Variants in CYFIP1 observed in about 807,000 individuals in gnomAD.
CYFIP1 encodes cytoplasmic FMR1 interacting protein 1.
Under a neutral mutation model 163.5 loss-of-function variants are expected in CYFIP1, and 58 were observed. The ratio of observed to expected loss-of-function variants is 0.35; its 90% CI spans 0.29 to 0.44. The LOEUF is 0.44. CYFIP1 is among the 20% of genes least tolerant of loss of function. The pLI is 1.00. For missense variants in CYFIP1, 1,338 were observed against 1,653.8 expected (o/e 0.81, Z 3.31); for synonymous variants, 663 against 660.7 (o/e 1.00, Z -0.05).
chr15:22,870,499 A>T (rs1284077696), intron 30 of CYFIP1, among the ~76,000 whole-genome samples: 1 of 152,070 alleles, frequency 6.6e-6, no homozygotes, highest in Non-Finnish European at 1.5e-5. Flanking sequence ...TTTTGTAAAG[A>T]CAAGGTCTTA....
chr15:22,943,389 G>A (rs762886007), intron 5 of CYFIP1, 35 bp from the exon 6 acceptor site: 210 of 1,601,814 alleles, frequency 1.3e-4, no homozygotes, highest in Non-Finnish European at 1.7e-4. Flanking sequence ...GAAAGCTGCA[G>A]GTCAGTGAGG....
chr15:22,951,043 AG>A (rs1362087542), intron 1 of CYFIP1, among the ~76,000 whole-genome samples: 1 of 152,216 alleles, frequency 6.6e-6, no homozygotes, highest in African/African-American at 2.4e-5. Flanking sequence ...TAGACTACGC[AG>A]GGTTCAGTAC....
chr15:22,980,740 AG>A (rs370087044), upstream of CYFIP1, among the ~76,000 whole-genome samples: 2 of 152,012 alleles, frequency 1.3e-5, no homozygotes, highest in East Asian at 3.9e-4. Flanking sequence ...GAAGGAGCTC[AG>A]GGGGACACCC....
chr15:22,944,839 G>A, intron 4 of CYFIP1, 23 bp downstream of exon 4: 2 of 1,610,284 alleles, frequency 1.2e-6, no homozygotes, highest in Non-Finnish European at 1.7e-6. Flanking sequence ...GGCTGGAGGG[G>A]AAGAGCCAGG....
rs200056647 is a variant in CYFIP1 at position 22,883,034 on chromosome 15, C to G, written c.2677-23G>C. 5.6e-6 allele frequency: 9 copies of G among 1,611,894 alleles called. No homozygotes were observed. The South Asian group carries it at 7.7e-5, about 14-fold the overall frequency. ...AGCCTGGAAAACAGGGCACAGAGCTCTCAGCATGGTCCCCGCACACATGTG... is the reference window on the plus strand; with the variant it reads ...AGCCTGGAAAACAGGGCACAGAGCTGTCAGCATGGTCCCCGCACACATGTG... On this transcript the variant is annotated intron_variant, in intron 23 of 30. Coordinates refer to ENST00000617928, the MANE Select transcript of CYFIP1 (RefSeq NM_014608.6).
rs778873016 is a variant in CYFIP1 at position 22,944,910 on chromosome 15, A to G, written c.237T>C (p.Tyr79=). 3.1e-5 allele frequency: 50 copies of G among 1,614,016 alleles called. No homozygotes were observed. In the Middle Eastern group the frequency reaches 4.9e-4, roughly 16 times the overall value. ...TCCTCCAGGTGTACAGCATGACAGC[A>G]TATTCTTGGCCCTCCTCCAGCATCT... ...MNEMLEEGQE[Y]AVMLYTWRSC... is the part of the protein sequence containing the mutation. Residue 79 remains tyrosine (Y), a synonymous_variant, in exon 4 of 31, where the codon TAT becomes TAC. Coordinates refer to ENST00000617928, the MANE Select transcript of CYFIP1 (RefSeq NM_014608.6).
chr15:22,935,394 CCCT>C (rs1361523867), intron 9 of CYFIP1, among the ~76,000 whole-genome samples: 1 of 152,148 alleles, frequency 6.6e-6, no homozygotes, highest in East Asian at 1.9e-4. Context: ...GACACGAAAC[CCCT>C]ACCTCCTACC....
chr15:22,950,887 A>G (rs1290513922), intron 1 of CYFIP1, among the ~76,000 whole-genome samples: 2 of 152,194 alleles, frequency 1.3e-5, no homozygotes, highest in African/African-American at 4.8e-5. Context: ...GGCGGGCACC[A>G]AAGGGCAAGA....
At chr15:22,932,187 T>C in intron 11 of CYFIP1, 36 bp downstream of exon 11, 1 of 1,510,746 alleles carries the variant, frequency 6.6e-7, no homozygotes, top group South Asian at 1.2e-5. Flanking sequence ...CAGGCGACCC[T>C]CGGGTGCCTG....
chr15:22,952,005 T>C (rs2062267005), intron 1 of CYFIP1, among the ~76,000 whole-genome samples: 3 of 152,244 alleles, frequency 2.0e-5, no homozygotes, highest in African/African-American at 7.2e-5. Context: ...TGCAGACTTC[T>C]TTCTTTGTAT....
rs147985453 is a variant in CYFIP1 at position 22,973,152 on chromosome 15, A to C, written c.-7+7135T>G. On this transcript the variant is annotated intron_variant, in intron 1 of 30. Coordinates refer to ENST00000617928, the MANE Select transcript of CYFIP1 (RefSeq NM_014608.6). ...CTCCGTCTCAAAAAAACAAAACAACAACCAACCAAAATTTAGCCAGGCATG... is the reference window on the plus strand; with the variant it reads ...CTCCGTCTCAAAAAAACAAAACAACCACCAACCAAAATTTAGCCAGGCATG... Among the ~76,000 whole-genome samples, 403 of 152,038 alleles carry C rather than the reference A, an allele frequency of 2.7e-3. 1 individual carries two copies. Among genetic ancestry groups the C allele is most frequent in the African/African-American group, 8.9e-3 (371 of 41,486 alleles).
At chr15:22,872,066 T>C (rs1302959896) in intron 30 of CYFIP1, among the ~76,000 whole-genome samples, 1 of 152,054 alleles carries the variant, frequency 6.6e-6, no homozygotes, top group South Asian at 2.1e-4. Flanking sequence ...GATCACCTTA[T>C]GTCAGGAGTT....
rs192686506 is a variant in CYFIP1, at chr15:22,875,793, A to G, written c.3043-522T>C. On this transcript the variant is annotated intron_variant, in intron 26 of 30. Coordinates refer to ENST00000617928, the MANE Select transcript of CYFIP1 (RefSeq NM_014608.6). ...ACTCATTCCCTACAGAGCCCAAAAC[A>G]AAGTTCTAGGCCATCATGCCGAACT... Among the ~76,000 whole-genome samples the G allele has an allele frequency of 1.8e-3, 266 of 150,480 alleles. 2 individuals are homozygous for G. Among genetic ancestry groups the G allele is most frequent in the Non-Finnish European group, 2.5e-3 (170 of 67,468 alleles).
At chr15:22,954,582 C>T (rs371179568) in intron 1 of CYFIP1, among the ~76,000 whole-genome samples, 15 of 152,252 alleles carry the variant, frequency 9.9e-5, no homozygotes, top group South Asian at 2.1e-4. Context: ...CCTCCCCAGG[C>T]GGCGAACCGA....
At chr15:22,910,311 A>C (rs993546511) in intron 20 of CYFIP1, among the ~76,000 whole-genome samples, 3 of 152,116 alleles carry the variant, frequency 2.0e-5, no homozygotes, top group African/African-American at 7.2e-5. Flanking sequence ...ACAGGAACCC[A>C]CCAGCACGCC....
rs748371838 is a variant in CYFIP1 at position 22,925,975 on chromosome 15, T to C, written c.1359+7A>G. ...ATGAGGAAGAGCGAGCGGCCGAGCA[T>C]CCTCACCTCCACTAGGGCAAACTTC... is the stretch of plus-strand genomic sequence containing the variant. On this transcript the variant is annotated splice_region_variant and intron_variant, in intron 13 of 30. Coordinates refer to ENST00000617928, the MANE Select transcript of CYFIP1 (RefSeq NM_014608.6). 3.1e-6 allele frequency: 5 copies of C among 1,612,706 alleles called. No individual in the cohort carries two copies. Among genetic ancestry groups the C allele is most frequent in the African/African-American group, 1.3e-5 (1 of 74,832 alleles).
intron 1 of CYFIP1, among the ~76,000 whole-genome samples, chr15:22,976,420 T>G (rs2140284327): frequency 6.6e-6 from 1 of 152,322 alleles, no homozygotes; most frequent in South Asian, 2.1e-4. Context: ...CCTCCCAAAG[T>G]GCTGGGATTA....
At chr15:22,940,804 A>G (rs1308067718) in intron 6 of CYFIP1, among the ~76,000 whole-genome samples, 1 of 152,142 alleles carries the variant, frequency 6.6e-6, no homozygotes, top group Non-Finnish European at 1.5e-5. Flanking sequence ...ATTTTGGGAG[A>G]AGGAGGCAGG....
At chr15:22,898,872 G>A (rs1206945025) in intron 22 of CYFIP1, among the ~76,000 whole-genome samples, 5 of 152,042 alleles carry the variant, frequency 3.3e-5, no homozygotes, top group East Asian at 3.9e-4. Context: ...GCGTGGTGGC[G>A]GGCGACTATA....
Sources: allele counts gnomAD v4.1 joint callset (sites outside exome capture counted in the v4.1 genomes callset), GRCh38; gene constraint gnomAD v4.1.1; transcripts MANE v1.5; gene names NCBI Gene and HGNC (gene_info 2026-07-23, HGNC 2026-07-21).